Variants in SERAC1 observed in about 807,000 individuals in gnomAD.
SERAC1 encodes the protein protein SERAC1.
In SERAC1, 36 loss-of-function variants were observed where a neutral mutation model predicts 85.7. That is an observed-to-expected ratio of 0.42 (90% CI 0.32 to 0.55). The LOEUF (loss-of-function observed/expected upper bound fraction) is 0.55. SERAC1 is among the 20% of genes least tolerant of loss of function. The probability of loss-of-function intolerance (pLI) is 0.11; values close to 1 mark genes in which losing one functional copy is unlikely to be tolerated. For missense variants in SERAC1, 629 were observed against 796.2 expected, an observed-to-expected ratio of 0.79 and a Z score of 2.53; for synonymous variants, 242 against 265.3, an observed-to-expected ratio of 0.91 and a Z score of 0.85.
At chr6:158,149,064 A>G (rs1285768418) in intron 4 of SERAC1, 110 bp from the exon 5 acceptor site, 1 of 709,818 alleles carries the variant, frequency 1.4e-6, no homozygotes, top group Non-Finnish European at 2.2e-6. Flanking sequence ...ATCTCGGCTC[A>G]CTGCAAGCTC....
intron 8 of SERAC1, among the ~76,000 whole-genome samples, chr6:158,136,989 C>T (rs974398296): frequency 6.6e-6 from 1 of 152,072 alleles, no homozygotes; most frequent in African/African-American, 2.4e-5. Flanking sequence ...GAAACCCCGT[C>T]TCTACTAAAA....
chr6:158,167,041 T>C (rs984910774), intron 1 of SERAC1, among the ~76,000 whole-genome samples: 8 of 151,096 alleles, frequency 5.3e-5, no homozygotes, highest in African/African-American at 1.7e-4. Flanking sequence ...AGAGAATGTA[T>C]GCAAGATGAA....
At chr6:158,156,884 T>A (rs1279310777) in intron 2 of SERAC1, among the ~76,000 whole-genome samples, 1 of 132,348 alleles carries the variant, frequency 7.6e-6, no homozygotes, top group Non-Finnish European at 1.6e-5. Flanking sequence ...ATATAGATAT[T>A]AATATATTTA....
intron 1 of SERAC1, chr6:158,161,530 TG>T: frequency 6.6e-6 from 1 of 152,304 alleles, no homozygotes; most frequent in South Asian, 2.1e-4. Flanking sequence ...GTTGTTTCTT[TG>T]TAGGCAAAAT....
chr6:158,167,653 T>C (rs1327036339), intron 1 of SERAC1, among the ~76,000 whole-genome samples: 1 of 151,246 alleles, frequency 6.6e-6, no homozygotes, highest in African/African-American at 2.5e-5. Context: ...AGTGTTCCTT[T>C]AGACTTACAG....
intron 8 of SERAC1, among the ~76,000 whole-genome samples, chr6:158,130,744 G>T (rs1276506828): frequency 6.6e-6 from 1 of 152,212 alleles, no homozygotes; most frequent in Non-Finnish European, 1.5e-5. Context: ...ATGAAAGTGT[G>T]AAGACTAACT....
In SERAC1 at chr6:158,142,960, G is replaced by A. The variant is rs535430612; in HGVS notation, c.738+96C>T. ...ATGACACACAACCAGAAGTTAGCAT[G>A]TTTACTCAGTTACTGGGTGAATGCC... On this transcript the variant is annotated intron_variant, in intron 8 of 16. Transcript: ENST00000647468. 1.5e-4 allele frequency: 141 copies of A among 966,736 alleles called. No individual in the cohort carries two copies. In the African/African-American group the frequency reaches 2.1e-3, roughly 15 times the overall value. The allele number at this position is 966,736 out of a possible 1,614,324, so 59.9% of individuals were successfully genotyped here. A position where few individuals can be genotyped will look rare whatever the true frequency, so the allele number is the denominator to read the frequency against.
chr6:158,130,291 T>C (rs996382943), intron 9 of SERAC1, 82 bp downstream of exon 9: 3 of 685,392 alleles, frequency 4.4e-6, no homozygotes, highest in Non-Finnish European at 6.9e-6. Flanking sequence ...AGTAAATGAT[T>C]ATTGCCCTTG....
chr6:158,133,378 A>ATTTTT (rs767768720), intron 8 of SERAC1, among the ~76,000 whole-genome samples: 7 of 66,394 alleles, frequency 1.1e-4, no homozygotes, highest in South Asian at 5.8e-4. Flanking sequence ...TCTGGTGTTA[A>ATTTTT]TTTTTTTTTT....
chr6:158,153,400 C>T (rs1785252265), intron 3 of SERAC1, among the ~76,000 whole-genome samples: 1 of 152,166 alleles, frequency 6.6e-6, no homozygotes, highest in Non-Finnish European at 1.5e-5. Context: ...GAGTCTGTTA[C>T]AACAATGCTG....
intron 15 of SERAC1, 83 bp downstream of exon 15, chr6:158,114,706 C>CATTCAAGGAATATAAAATGAGATAATAA: frequency 1.9e-6 from 3 of 1,589,772 alleles, no homozygotes; most frequent in Non-Finnish European, 2.6e-6. Context: ...TGAGATAATA[C>CATTCAAGGAATATAAAATGAGATAATAA]ATTCAAGGAA....
Position 158,158,326 on chromosome 6 carries a change from C to G in SERAC1, c.38G>C (p.Arg13Thr). 6.2e-7 allele frequency: 1 copy of G among 1,613,894 alleles called. No homozygotes were observed. The highest frequency in any genetic ancestry group is 8.5e-7 in the Non-Finnish European group (1 of 1,179,842). The change falls in exon 2 of 17, where the codon AGA becomes ACA. Residue 13 changes from arginine (R) to threonine (T), a missense_variant. By Grantham distance (71) the Arg-to-Thr change is moderately conservative. Transcript: ENST00000647468. ...TGGTGGGGAAGTAGAGGTTCCTATTCTTCTGCAACAGATGACGCAATAAGC... is the reference window on the plus strand; with the variant it reads ...TGGTGGGGAAGTAGAGGTTCCTATTGTTCTGCAACAGATGACGCAATAAGC... ...LAAYCVICCR[R>T]IGTSTSPPKS... is the part of the protein sequence containing the mutation.
At chr6:158,149,770 G>A (rs9348053) in intron 4 of SERAC1, among the ~76,000 whole-genome samples, 45,801 of 152,130 alleles carry the variant, frequency 0.3, 8,301 homozygotes, top group Admixed American at 0.51. Context: ...AGACACAGGC[G>A]AGCAGCAGAG....
In SERAC1 at chr6:158,119,168, T is replaced by C. The variant is rs779061767; in HGVS notation, c.1169A>G (p.Gln390Arg). 8.1e-6 allele frequency: 13 copies of C among 1,608,938 alleles called. No homozygotes were observed. The East Asian group carries it at 1.3e-4, about 17-fold the overall frequency. The change falls in exon 12 of 17, where the codon CAG (glutamine) becomes CGG (arginine). Residue 390 changes from glutamine to arginine, a missense_variant and splice_region_variant. Gln to Arg is a conservative substitution (Grantham distance 43). Coordinates refer to ENST00000647468, the MANE Select transcript of SERAC1 (RefSeq NM_032861.4). This position sits in a 1 kb window ranked among gnomAD's most constrained non-coding sequence, Gnocchi z 4.5. The part of the protein sequence containing the change: ...YVLHPQYRTS[Q>R]PIKADVLFIH... ...AAAAAGGACATCTGCTTTAATGGGC[T>C]GACTAATAGGGGAGAGAGTTTTAAA...
chr6:158,131,415 T>C (rs1266972968), intron 8 of SERAC1, among the ~76,000 whole-genome samples: 1 of 147,120 alleles, frequency 6.8e-6, no homozygotes, highest in Non-Finnish European at 1.5e-5. Context: ...TTTATATTTA[T>C]ATTTTTATAT....
At chr6:158,113,659 C>A (rs1784201624) in intron 15 of SERAC1, 67 bp from the exon 16 acceptor site, 2 of 1,361,796 alleles carry the variant, frequency 1.5e-6, no homozygotes, top group South Asian at 2.9e-5. Context: ...ATGCATTAAT[C>A]TTTCAAATTT....
At chr6:158,161,254 G>A (rs1785481494) in intron 1 of SERAC1, 1 of 152,062 alleles carries the variant, frequency 6.6e-6, no homozygotes, top group Non-Finnish European at 1.5e-5. Context: ...CTGTTGGCAT[G>A]TGCCTGTATT....
At position 158,119,954 on chromosome 6, in the gene SERAC1, C is replaced by T. The variant is rs1784381029; in HGVS notation, c.1166+471G>A. 6.6e-6 allele frequency among the ~76,000 whole-genome samples: 1 copy of T among 152,142 alleles called. No individual in the cohort carries two copies. The highest frequency in any genetic ancestry group is 1.5e-5 in the Non-Finnish European group (1 of 68,014). On this transcript the variant is annotated intron_variant, in intron 11 of 16. Coordinates refer to ENST00000647468, the MANE Select transcript of SERAC1 (RefSeq NM_032861.4). This position sits in a 1 kb window ranked among gnomAD's most constrained non-coding sequence, Gnocchi z 4.5. ...GGGGCATGAGTCAAACTTATTACAACTTATTCTTTCTAATGCATCCTTTTA... is the reference window on the plus strand; with the variant it reads ...GGGGCATGAGTCAAACTTATTACAATTTATTCTTTCTAATGCATCCTTTTA...
At chr6:158,111,994 T>C (rs1181590208) in intron 16 of SERAC1, 1 of 152,988 alleles carries the variant, frequency 6.5e-6, no homozygotes, top group African/African-American at 2.4e-5. Context: ...ACGGAAGTGA[T>C]AAGAGGTACT....
Sources: allele counts gnomAD v4.1 joint callset (sites outside exome capture counted in the v4.1 genomes callset), GRCh38; gene constraint gnomAD v4.1.1; non-coding constraint Gnocchi (gnomAD v3.1); transcripts MANE v1.5; gene names NCBI Gene and HGNC (gene_info 2026-07-23, HGNC 2026-07-21).